The following DYM variants were observed in gnomAD, a reference collection of about 807,000 sequenced individuals.
The protein encoded by DYM is dymeclin, also known as dyggve-Melchior-Clausen syndrome protein.
DYM carries 78 observed loss-of-function variants against 93.1 expected under a neutral mutation model. The ratio of observed to expected loss-of-function variants is 0.84; its 90% CI spans 0.70 to 1.01. The LOEUF is 1.01. Among genes scored for constraint, DYM ranks in the 50% least tolerant of loss-of-function variants. The pLI, the probability that DYM is intolerant of heterozygous loss-of-function variation, is 0.00. For synonymous variants in DYM, 321 were observed against 319.7 expected, an observed-to-expected ratio of 1.00 and a Z score of -0.04; for missense variants, 789 against 845.0, an observed-to-expected ratio of 0.93 and a Z score of 0.82.
At chr18:49,150,723 C>G (rs545787141) in intron 15 of DYM, among the ~76,000 whole-genome samples, 17 of 152,270 alleles carry the variant, frequency 1.1e-4, no homozygotes, top group Non-Finnish European at 1.9e-4. Context: ...CTAGCACTGC[C>G]TATTAAAGGA....
chr18:49,342,416 TAA>T (rs200907937), intron 6 of DYM, among the ~76,000 whole-genome samples: 12,163 of 152,158 alleles, frequency 0.08, 749 homozygotes, highest in East Asian at 0.3. Flanking sequence ...TTTTGACATA[TAA>T]GTTATGTTAC....
At chr18:49,079,537 C>A (rs1017874276) in intron 17 of DYM, among the ~76,000 whole-genome samples, 3 of 151,828 alleles carry the variant, frequency 2.0e-5, no homozygotes, top group Non-Finnish European at 2.9e-5. Flanking sequence ...TTTTCCTAGG[C>A]AGAGGACCCT....
chr18:49,354,138 T>C (rs1171591805), intron 6 of DYM, among the ~76,000 whole-genome samples: 1 of 151,948 alleles, frequency 6.6e-6, no homozygotes, highest in Non-Finnish European at 1.5e-5. Context: ...TAATTGGTCT[T>C]TGACAAAGAA....
intron 5 of DYM, among the ~76,000 whole-genome samples, chr18:49,376,403 T>A (rs1355335751): frequency 6.6e-6 from 1 of 152,164 alleles, no homozygotes; most frequent in East Asian, 1.9e-4. Context: ...ACAAAAATGT[T>A]TCCACATAAA....
At chr18:49,264,049 T>C (rs934545157) in intron 11 of DYM, among the ~76,000 whole-genome samples, 4 of 151,414 alleles carry the variant, frequency 2.6e-5, no homozygotes, top group Non-Finnish European at 4.4e-5. Flanking sequence ...TGTTCTACAC[T>C]GATAACCTGC....
intron 6 of DYM, among the ~76,000 whole-genome samples, chr18:49,355,230 T>A (rs911882490): frequency 6.6e-6 from 1 of 151,878 alleles, no homozygotes; most frequent in African/African-American, 2.4e-5. Context: ...TATAGATACA[T>A]TGATAGATGT....
At chr18:49,399,655 A>G (rs1374627312) in intron 2 of DYM, among the ~76,000 whole-genome samples, 2 of 152,132 alleles carry the variant, frequency 1.3e-5, no homozygotes, top group Non-Finnish European at 2.9e-5. Flanking sequence ...ACAGCTCTCA[A>G]TCATAAAACT....
intron 15 of DYM, among the ~76,000 whole-genome samples, chr18:49,123,895 T>C (rs777078237): frequency 6.6e-6 from 1 of 152,202 alleles, no homozygotes; most frequent in African/African-American, 2.4e-5. Context: ...CCCAATGAAA[T>C]GGTATGACTA....
At position 49,100,487 on chromosome 18, in the gene DYM, C is replaced by A. The variant is rs979536862; in HGVS notation, c.1912-2972G>T. Reference sequence around the variant, plus strand: ...TCTAAGCCACAAGGAATTTCCATTTCCACTGGGAGAGCTGCAGAGGAGGCA... The same window carrying A: ...TCTAAGCCACAAGGAATTTCCATTTACACTGGGAGAGCTGCAGAGGAGGCA... On this transcript the variant is annotated intron_variant, in intron 16 of 17. Coordinates refer to ENST00000675505, the MANE Select transcript of DYM (RefSeq NM_001353214.3). Among the ~76,000 whole-genome samples, 44 of 152,160 alleles carry A rather than the reference C, an allele frequency of 2.9e-4. 1 individual carries two copies. The highest frequency in any genetic ancestry group is 3.4e-3 in the Middle Eastern group (1 of 294).
intron 8 of DYM, among the ~76,000 whole-genome samples, chr18:49,306,403 A>C (rs2061277835): frequency 6.6e-6 from 1 of 152,094 alleles, no homozygotes; most frequent in South Asian, 2.1e-4. Context: ...TGGCTCAGAA[A>C]CTCCTTTAGG....
intron 7 of DYM, among the ~76,000 whole-genome samples, chr18:49,332,807 A>G: frequency 6.6e-6 from 1 of 152,192 alleles, no homozygotes; most frequent in Non-Finnish European, 1.5e-5. Context: ...TTAAAAAGCA[A>G]CTTGAATACT....
chr18:49,211,620 C>T (rs182285519), intron 13 of DYM, among the ~76,000 whole-genome samples: 1 of 152,322 alleles, frequency 6.6e-6, no homozygotes, highest in Admixed American at 6.5e-5. Context: ...ACCAGCCTAT[C>T]AAACAACCAA....
At chr18:49,111,764 C>T (rs117572204) in intron 16 of DYM, among the ~76,000 whole-genome samples, 2,219 of 152,260 alleles carry the variant, frequency 0.015, 110 homozygotes, top group East Asian at 0.1. Flanking sequence ...GCAGATGCTG[C>T]TGCTTGTTAC....
In DYM at chr18:49,309,980, T is replaced by C. The variant is rs182471586; in HGVS notation, c.763+21884A>G. Reference sequence around the variant, plus strand: ...TAATGGTTCAGTGTATAGCCAGCCATCCCTGTGTTAAGGTAAAACAGCATG... The same window carrying C: ...TAATGGTTCAGTGTATAGCCAGCCACCCCTGTGTTAAGGTAAAACAGCATG... On this transcript the variant is annotated intron_variant, in intron 8 of 17. Coordinates refer to ENST00000675505, the MANE Select transcript of DYM (RefSeq NM_001353214.3). Among the ~76,000 whole-genome samples the C allele has an allele frequency of 1.3e-3, 197 of 152,242 alleles. 1 individual carries two copies. Among genetic ancestry groups the C allele is most frequent in the African/African-American group, 4.4e-3 (183 of 41,536 alleles).
intron 13 of DYM, among the ~76,000 whole-genome samples, chr18:49,231,178 T>C (rs2093683584): frequency 6.6e-6 from 1 of 152,230 alleles, no homozygotes; most frequent in South Asian, 2.1e-4. Flanking sequence ...TTTATTCATA[T>C]ATGTATGCGC....
At chr18:49,059,342 T>C (rs988682122) in intron 17 of DYM, among the ~76,000 whole-genome samples, 3 of 152,310 alleles carry the variant, frequency 2.0e-5, no homozygotes, top group Middle Eastern at 3.4e-3. Context: ...AAGCCTCCCA[T>C]TCCACAGTAT....
At chr18:49,100,187 G>A (rs2079993386) in intron 16 of DYM, among the ~76,000 whole-genome samples, 1 of 152,080 alleles carries the variant, frequency 6.6e-6, no homozygotes, top group Admixed American at 6.6e-5. Context: ...ATTTTTAGAT[G>A]AATAAATAAC....
At chr18:49,338,059 A>T (rs2063805292) in intron 6 of DYM, among the ~76,000 whole-genome samples, 1 of 152,230 alleles carries the variant, frequency 6.6e-6, no homozygotes, top group Non-Finnish European at 1.5e-5. Flanking sequence ...AAGTTAGATT[A>T]AAACAGTTAT....
chr18:49,143,815 A>G (rs2084793670), intron 15 of DYM, among the ~76,000 whole-genome samples: 1 of 152,148 alleles, frequency 6.6e-6, no homozygotes, highest in Admixed American at 6.5e-5. Flanking sequence ...ACCTCCATGT[A>G]CCTATCACCC....
Sources: gnomAD v4.1 joint callset for allele counts (sites outside exome capture counted in the v4.1 genomes callset) on GRCh38, gnomAD v4.1.1 for gene constraint, MANE v1.5 for transcripts, NCBI Gene and HGNC (gene_info 2026-07-23, HGNC 2026-07-21) for gene names.